NSD2: variants seen among roughly 807,000 people sequenced by gnomAD.
NSD2 encodes the protein histone-lysine N-methyltransferase NSD2.
In NSD2, 12 loss-of-function variants were observed where a neutral mutation model predicts 139.0. That is an observed-to-expected ratio of 0.09 (90% CI 0.06 to 0.14). NSD2 has a LOEUF of 0.14. Among genes scored for constraint, NSD2 ranks in the 10% least tolerant of loss-of-function variants. The pLI is 1.00. For missense variants in NSD2, 1,155 were observed against 1,745.0 expected (o/e 0.66, Z 6.02); for synonymous variants, 669 against 648.7 (o/e 1.03, Z -0.48).
chr4:1,895,406 T>C (rs1056925165), intron 1 of NSD2, among the ~76,000 whole-genome samples: 3 of 152,218 alleles, frequency 2.0e-5, no homozygotes, highest in African/African-American at 7.2e-5. Flanking sequence ...ATGTCTTAAT[T>C]TATCTTACAT....
At chr4:1,890,920 G>T (rs1457034265) in intron 1 of NSD2, among the ~76,000 whole-genome samples, 1 of 151,418 alleles carries the variant, frequency 6.6e-6, no homozygotes, top group African/African-American at 2.4e-5. Context: ...GTGAGACAAG[G>T]TCTCACTCTG....
Position 1,940,798 on chromosome 4 carries a change from T to A in NSD2, c.1881+1020T>A, listed in dbSNP as rs578184303. 79 of 1,058,710 alleles carry A rather than the reference T, an allele frequency of 7.5e-5. No individual in the cohort carries two copies. In the South Asian group the frequency reaches 1.4e-3, roughly 18 times the overall value. 65.6% of individuals were successfully genotyped at this position (1,058,710 alleles called of 1,614,324 possible). On this transcript the variant is annotated intron_variant, in intron 9 of 21. Transcript: ENST00000508803. ...AAGGATGGGGTGTGCCTCAGTTGTTTCCACTCATTAGAGGAGTGTAGGCCT... is the reference window on the plus strand; with the variant it reads ...AAGGATGGGGTGTGCCTCAGTTGTTACCACTCATTAGAGGAGTGTAGGCCT...
intron 1 of NSD2, among the ~76,000 whole-genome samples, chr4:1,887,081 G>A (rs73799028): frequency 0.032 from 4,797 of 152,244 alleles, 246 homozygotes; most frequent in African/African-American, 0.11. Flanking sequence ...AGTGGGACAT[G>A]GTTTGCCAGG....
intron 9 of NSD2, chr4:1,946,348 A>G (rs1311197160): frequency 1.3e-5 from 7 of 545,210 alleles, no homozygotes; most frequent in African/African-American, 4.1e-5. Flanking sequence ...GCTCACTGCA[A>G]CCTCCGCCTC....
At chr4:1,882,727 T>G (rs1239655235) in intron 1 of NSD2, among the ~76,000 whole-genome samples, 3 of 152,166 alleles carry the variant, frequency 2.0e-5, no homozygotes, top group Non-Finnish European at 4.4e-5. Context: ...TTTGGGCTTG[T>G]TACTGTACCA....
chr4:1,934,016 G>T (rs1215157859), intron 6 of NSD2, among the ~76,000 whole-genome samples: 8 of 133,128 alleles, frequency 6.0e-5, no homozygotes, highest in Middle Eastern at 3.7e-3. Context: ...GTAGCAAGTT[G>T]TTTTTTTTTT....
chr4:1,919,916 C>T (rs908149273), intron 5 of NSD2, among the ~76,000 whole-genome samples: 1 of 151,378 alleles, frequency 6.6e-6, no homozygotes, highest in Non-Finnish European at 1.5e-5. Flanking sequence ...AGCCTGGCGA[C>T]AGAATGAGAC....
Position 1,981,127 on chromosome 4 carries a change from G to A in NSD2, c.*2218G>A, listed in dbSNP as rs908637270. 3.0e-5 allele frequency: 7 copies of A among 233,086 alleles called. No individual in the cohort carries two copies. The highest frequency in any genetic ancestry group is 1.8e-4 in the East Asian group (3 of 16,582). The allele number at this position is 233,086 out of a possible 1,614,324, so 14.4% of individuals were successfully genotyped here. A position where few individuals can be genotyped will look rare whatever the true frequency, so the allele number is the denominator to read the frequency against. On this transcript the variant is annotated 3_prime_UTR_variant, in exon 22 of 22. Transcript: ENST00000508803. Reference sequence around the variant, plus strand: ...TAGTGAAATCTTGTGATTTTTAATCGCTTTGATAATACTTCCAAATTTTAT... The same window carrying A: ...TAGTGAAATCTTGTGATTTTTAATCACTTTGATAATACTTCCAAATTTTAT...
intron 7 of NSD2, among the ~76,000 whole-genome samples, chr4:1,937,465 A>T (rs1159904954): frequency 1.3e-5 from 2 of 152,230 alleles, no homozygotes; most frequent in Non-Finnish European, 2.9e-5. Flanking sequence ...AGACACTCAG[A>T]ATACCAAAAT....
rs1360558939 is a variant in NSD2 at position 1,956,342 on chromosome 4, TTTG to T, written c.2881+158_2881+160del. On this transcript the variant is annotated intron_variant, in intron 15 of 21. Transcript: ENST00000508803. This position sits in a 1 kb window ranked among gnomAD's most constrained non-coding sequence, Gnocchi z 5.3. ...AGGAAAATGTTTGCAGTCTGGTTTATTTGTTGAGCATAGAATAAGATACACTGA... is the reference window on the plus strand; with the variant it reads ...AGGAAAATGTTTGCAGTCTGGTTTATTTGAGCATAGAATAAGATACACTGA... Among the ~76,000 whole-genome samples, 1 of 152,264 alleles carries T rather than the reference TTTG, an allele frequency of 6.6e-6. No homozygotes were observed. Among genetic ancestry groups the T allele is most frequent in the African/African-American group, 2.4e-5 (1 of 41,462 alleles).
chr4:1,948,120 A>C lies in NSD2; in HGVS notation c.1882-2952A>C. 2.8e-6 allele frequency: 3 copies of C among 1,060,668 alleles called. No individual in the cohort carries two copies. The highest frequency in any genetic ancestry group is 2.3e-6 in the Non-Finnish European group (2 of 876,082). 65.7% of individuals were successfully genotyped at this position (1,060,668 alleles called of 1,614,324 possible). On this transcript the variant is annotated intron_variant, in intron 9 of 21. Coordinates refer to ENST00000508803, the MANE Select transcript of NSD2 (RefSeq NM_001042424.3). This position sits in a 1 kb window ranked among gnomAD's most constrained non-coding sequence, Gnocchi z 4.5. The stretch of plus-strand genomic sequence containing the variant: ...GGCAACTTGGTACTATCTTATTCTG[A>C]GTAGAGAGTGGAGAAAGTATTTTCA...
At chr4:1,959,193 A>T (rs1245564392) in intron 16 of NSD2, among the ~76,000 whole-genome samples, 1 of 152,220 alleles carries the variant, frequency 6.6e-6, no homozygotes, top group East Asian at 1.9e-4. Flanking sequence ...CTGGCTGGAT[A>T]CGTGTCAGCT....
intron 3 of NSD2, 26 bp from the exon 4 acceptor site, chr4:1,916,845 C>A: frequency 6.3e-7 from 1 of 1,583,056 alleles, no homozygotes; most frequent in Non-Finnish European, 8.6e-7. Context: ...AACTTTCATT[C>A]TCTAACATTT....
chr4:1,955,602 A>C lies in NSD2; in HGVS notation c.2519-91A>C. The C allele has an allele frequency of 7.0e-7, 1 of 1,431,698 alleles. No individual in the cohort carries two copies. The highest frequency in any genetic ancestry group is 2.6e-5 in the Admixed American group (1 of 37,778). The allele number at this position is 1,431,698 out of a possible 1,614,324, so 88.7% of individuals were successfully genotyped here. On this transcript the variant is annotated intron_variant, in intron 13 of 21. Transcript: ENST00000508803. This position sits in a 1 kb window ranked among gnomAD's most constrained non-coding sequence, Gnocchi z 4.7. ...TTTTAAAACTGATGTTTATAAGTTA[A>C]GGCTGTAATAAGTGTAGACTGTGAA...
rs1723542421 is a variant in NSD2, at chr4:1,945,576, TGA to T, written c.1882-5495_1882-5494del. 3.8e-6 allele frequency: 4 copies of T among 1,065,304 alleles called. No homozygotes were observed. The African/African-American group carries it at 6.5e-5, about 17-fold the overall frequency. 66.0% of individuals were successfully genotyped at this position (1,065,304 alleles called of 1,614,324 possible). A position where few individuals can be genotyped will look rare whatever the true frequency, so the allele number is the denominator to read the frequency against. ...CCTGAGAAGGCTCTTGCCAGAAGCC[TGA>T]TGTGAGTGTGTGGCACCTGTGATGG... On this transcript the variant is annotated intron_variant, in intron 9 of 21. Transcript: ENST00000508803.
At chr4:1,898,901 A>G (rs1456894322) in intron 1 of NSD2, among the ~76,000 whole-genome samples, 2 of 151,970 alleles carry the variant, frequency 1.3e-5, no homozygotes, top group African/African-American at 2.4e-5. Flanking sequence ...AATGGAGTTC[A>G]CCCAGTGCTG....
At position 1,953,987 on chromosome 4, in the gene NSD2, A is replaced by ATTTTTTT. The variant is rs750322460; in HGVS notation, c.2338+470_2338+476dup. On this transcript the variant is annotated intron_variant, in intron 12 of 21. Transcript: ENST00000508803. ...CACCACACCTGGCTGATTTTTGTAA[A>ATTTTTTT]TTTTTTTTTTTTTGGAGAAAAAAAA... Among the ~76,000 whole-genome samples the ATTTTTTT allele has an allele frequency of 2.5e-3, 335 of 133,304 alleles. 2 individuals carry two copies. The highest frequency in any genetic ancestry group is 9.0e-3 in the African/African-American group (322 of 35,734). The allele number at this position is 133,304 out of a possible 152,430, so 87.5% of individuals were successfully genotyped here. A position where few individuals can be genotyped will look rare whatever the true frequency, so the allele number is the denominator to read the frequency against.
intron 18 of NSD2, among the ~76,000 whole-genome samples, chr4:1,964,934 C>T (rs897428713): frequency 1.3e-5 from 2 of 150,714 alleles, no homozygotes; most frequent in Admixed American, 6.6e-5. Context: ...CAGCCTGCAA[C>T]AATCAAAACA....
chr4:1,929,848 G>A (rs755430719), intron 5 of NSD2, among the ~76,000 whole-genome samples: 14 of 152,114 alleles, frequency 9.2e-5, no homozygotes, highest in East Asian at 1.9e-4. Flanking sequence ...GGCCAGACCC[G>A]GTGGGTTGGG....
Sources: allele counts gnomAD v4.1 joint callset (sites outside exome capture counted in the v4.1 genomes callset), GRCh38; gene constraint gnomAD v4.1.1; non-coding constraint Gnocchi (gnomAD v3.1); transcripts MANE v1.5; gene names NCBI Gene and HGNC (gene_info 2026-07-23, HGNC 2026-07-21).